The following KCNQ1OT1 variants were observed in gnomAD, a reference collection of about 807,000 sequenced individuals.
The protein encoded by KCNQ1OT1 is KCNQ1 antisense RNA 2 (non-protein coding).
At chr11:2,694,170 T>C (rs1160446968) in exon 1 of KCNQ1OT1, 4 of 398,548 alleles carry the variant, frequency 1.0e-5, no homozygotes, top group Admixed American at 8.8e-5. Context: ...GTACTCTGAT[T>C]GGCCAGGCCT....
At position 2,670,269 on chromosome 11, in the gene KCNQ1OT1, A is replaced by G. The variant is rs766640564; in HGVS notation, n.29726T>C. On this transcript the variant is annotated non_coding_transcript_exon_variant, in exon 1 of 1. Coordinates refer to ENST00000597346, the Ensembl canonical transcript of KCNQ1OT1. This position sits in a 1 kb window ranked among gnomAD's most constrained non-coding sequence, Gnocchi z 4.9. ...ACGGGCGAGGGAAGAGGACCATGGT[A>G]GCTTGTCTCTAGGCAACCCATAGGT... The G allele has an allele frequency of 5.0e-6, 2 of 398,644 alleles. No homozygotes were observed. The highest frequency in any genetic ancestry group is 8.8e-6 in the Non-Finnish European group (2 of 226,094). 24.7% of individuals were successfully genotyped at this position (398,644 alleles called of 1,614,324 possible).
chr11:2,616,270 G>A (rs1849062876), exon 1 of KCNQ1OT1: 1 of 391,972 alleles, frequency 2.6e-6, no homozygotes, highest in Non-Finnish European at 4.5e-6. Context: ...TTAGATATGT[G>A]CAACTTCTCT....
rs1849754523 is a variant in KCNQ1OT1 at position 2,651,374 on chromosome 11, G to C, written n.48621C>G. 2.5e-6 allele frequency: 1 copy of C among 398,754 alleles called. No homozygotes were observed. Among genetic ancestry groups the C allele is most frequent in the South Asian group, 1.3e-4 (1 of 7,852 alleles). 24.7% of individuals were successfully genotyped at this position (398,754 alleles called of 1,614,324 possible). A position where few individuals can be genotyped will look rare whatever the true frequency, so the allele number is the denominator to read the frequency against. The stretch of plus-strand genomic sequence containing the variant: ...TGGGGTATTTATCTTTCACTAGTGA[G>C]TGCTGCCCCGGTGGTGGCTCACTTT... On this transcript the variant is annotated non_coding_transcript_exon_variant, in exon 1 of 1. Coordinates refer to ENST00000597346, the Ensembl canonical transcript of KCNQ1OT1. The surrounding 1 kb of genome is among the most constrained non-coding windows in gnomAD (Gnocchi z 6.1).
At position 2,655,746 on chromosome 11, in the gene KCNQ1OT1, CAG is replaced by C. The variant is rs1849835719; in HGVS notation, n.44247_44248del. On this transcript the variant is annotated non_coding_transcript_exon_variant, in exon 1 of 1. Transcript: ENST00000597346. ...ACCTGGCTACGACCACAGGTGAAAA[CAG>C]GGAAGAGGTGGCAGCTCTGGTCACT... is the stretch of plus-strand genomic sequence containing the variant. 7.7e-6 allele frequency: 3 copies of C among 387,168 alleles called. No homozygotes were observed. In the South Asian group the frequency reaches 3.9e-4, roughly 51 times the overall value. 24.0% of individuals were successfully genotyped at this position (387,168 alleles called of 1,614,324 possible).
chr11:2,691,864 C>T lies in KCNQ1OT1; in HGVS notation n.8131G>A. ...ATGACCCCTAGGTCCTCTTTTCCATCCCTCCAGTTCTCCTGGCTTTCTTGC... is the reference window on the plus strand; with the variant it reads ...ATGACCCCTAGGTCCTCTTTTCCATTCCTCCAGTTCTCCTGGCTTTCTTGC... On this transcript the variant is annotated non_coding_transcript_exon_variant, in exon 1 of 1. Transcript: ENST00000597346. This position sits in a 1 kb window ranked among gnomAD's most constrained non-coding sequence, Gnocchi z 6.4. 1 of 398,734 alleles carries T rather than the reference C, an allele frequency of 2.5e-6. No homozygotes were observed. Among genetic ancestry groups the T allele is most frequent in the East Asian group, 3.6e-5 (1 of 28,084 alleles). 24.7% of individuals were successfully genotyped at this position (398,734 alleles called of 1,614,324 possible).
At chr11:2,697,519 A>G (rs1850698283) in exon 1 of KCNQ1OT1, 3 of 398,636 alleles carry the variant, frequency 7.5e-6, no homozygotes, top group Non-Finnish European at 1.3e-5. Flanking sequence ...ATCAAGTTGA[A>G]GAAGTTCCTC....
chr11:2,634,910 A>G (rs1472674164), exon 1 of KCNQ1OT1: 7 of 152,080 alleles, frequency 4.6e-5, no homozygotes, highest in Non-Finnish European at 2.9e-5. Flanking sequence ...TGGTTTTTTG[A>G]TTTGCCTTTC....
rs1364236499 is a variant in KCNQ1OT1, at chr11:2,621,300, T to C, written n.78695A>G. The C allele has an allele frequency of 1.0e-5, 4 of 398,432 alleles. No homozygotes were observed. The highest frequency in any genetic ancestry group is 8.2e-5 in the African/African-American group (4 of 48,630). 24.7% of individuals were successfully genotyped at this position (398,432 alleles called of 1,614,324 possible). A position where few individuals can be genotyped will look rare whatever the true frequency, so the allele number is the denominator to read the frequency against. On this transcript the variant is annotated non_coding_transcript_exon_variant, in exon 1 of 1. Transcript: ENST00000597346. This position sits in a 1 kb window ranked among gnomAD's most constrained non-coding sequence, Gnocchi z 5.7. ...GCCTCATTATTTGCATTTCTGATTATTAGTGATCATGAGAATGTTTTTTTG... is the reference window on the plus strand; with the variant it reads ...GCCTCATTATTTGCATTTCTGATTACTAGTGATCATGAGAATGTTTTTTTG...
In KCNQ1OT1 at chr11:2,653,810, C is replaced by A. The variant is rs527639476; in HGVS notation, n.46185G>T. 3.3e-5 allele frequency: 13 copies of A among 398,678 alleles called. No homozygotes were observed. The highest frequency in any genetic ancestry group is 1.3e-4 in the South Asian group (1 of 7,858). The allele number at this position is 398,678 out of a possible 1,614,324, so 24.7% of individuals were successfully genotyped here. ...GCAGCTGTACCTCCGATGGCTGAGGCAAGGTCCACAGGGACCCCTTTGGGG... is the reference window on the plus strand; with the variant it reads ...GCAGCTGTACCTCCGATGGCTGAGGAAAGGTCCACAGGGACCCCTTTGGGG... On this transcript the variant is annotated non_coding_transcript_exon_variant, in exon 1 of 1. Transcript: ENST00000597346. This position sits in a 1 kb window ranked among gnomAD's most constrained non-coding sequence, Gnocchi z 5.3.
Position 2,677,055 on chromosome 11 carries a change from A to T in KCNQ1OT1, n.22940T>A. 1 of 398,638 alleles carries T rather than the reference A, an allele frequency of 2.5e-6. No individual in the cohort carries two copies. The highest frequency in any genetic ancestry group is 4.4e-6 in the Non-Finnish European group (1 of 226,058). The allele number at this position is 398,638 out of a possible 1,614,324, so 24.7% of individuals were successfully genotyped here. A position where few individuals can be genotyped will look rare whatever the true frequency, so the allele number is the denominator to read the frequency against. On this transcript the variant is annotated non_coding_transcript_exon_variant, in exon 1 of 1. Transcript: ENST00000597346. The surrounding 1 kb of genome is among the most constrained non-coding windows in gnomAD (Gnocchi z 4.5). ...TGATGGATATGTAGGGCAGCTAAAA[A>T]ACAGCAGCCATTAACCATTCAAATA...
Position 2,698,147 on chromosome 11 carries a change from C to CA in KCNQ1OT1, n.1847dup, listed in dbSNP as rs1186693716. 2 of 398,524 alleles carry CA rather than the reference C, an allele frequency of 5.0e-6. No individual in the cohort carries two copies. Among genetic ancestry groups the CA allele is most frequent in the Non-Finnish European group, 8.8e-6 (2 of 226,076 alleles). The allele number at this position is 398,524 out of a possible 1,614,324, so 24.7% of individuals were successfully genotyped here. A position where few individuals can be genotyped will look rare whatever the true frequency, so the allele number is the denominator to read the frequency against. On this transcript the variant is annotated non_coding_transcript_exon_variant, in exon 1 of 1. Transcript: ENST00000597346. The surrounding 1 kb of genome is among the most constrained non-coding windows in gnomAD (Gnocchi z 5.1). ...ACAGAGCAGGCAGCAGAAAACAAAA[C>CA]AGAGTTCCTCGTTGGGAGCTTTTGG...
exon 1 of KCNQ1OT1, chr11:2,666,672 C>G (rs1850074957): frequency 5.0e-6 from 2 of 398,582 alleles, no homozygotes; most frequent in East Asian, 3.6e-5. Flanking sequence ...TTTGATGGGA[C>G]CAGCTTGGCC....
chr11:2,699,169 G>C, exon 1 of KCNQ1OT1: 1 of 398,670 alleles, frequency 2.5e-6, no homozygotes, highest in Non-Finnish European at 4.4e-6. Context: ...ACCACCATGA[G>C]AACTATAGAC....
rs1295458180 is a variant in KCNQ1OT1, at chr11:2,621,717, C to G, written n.78278G>C. On this transcript the variant is annotated non_coding_transcript_exon_variant, in exon 1 of 1. Coordinates refer to ENST00000597346, the Ensembl canonical transcript of KCNQ1OT1. This position sits in a 1 kb window ranked among gnomAD's most constrained non-coding sequence, Gnocchi z 5.7. ...TATGATCCTTTTTATTTCTGAAGTA[C>G]CTGTTGTAATATATTCTCCATTTTC... 2.5e-6 allele frequency: 1 copy of G among 398,088 alleles called. No homozygotes were observed. The highest frequency in any genetic ancestry group is 4.4e-6 in the Non-Finnish European group (1 of 225,954). The allele number at this position is 398,088 out of a possible 1,614,324, so 24.7% of individuals were successfully genotyped here.
At position 2,624,079 on chromosome 11, in the gene KCNQ1OT1, G is replaced by A. The variant is rs1849222696; in HGVS notation, n.75916C>T. The A allele has an allele frequency of 2.5e-6, 1 of 398,562 alleles. No homozygotes were observed. Among genetic ancestry groups the A allele is most frequent in the Non-Finnish European group, 4.4e-6 (1 of 226,192 alleles). 24.7% of individuals were successfully genotyped at this position (398,562 alleles called of 1,614,324 possible). On this transcript the variant is annotated non_coding_transcript_exon_variant, in exon 1 of 1. Transcript: ENST00000597346. The surrounding 1 kb of genome is among the most constrained non-coding windows in gnomAD (Gnocchi z 4.9). The stretch of plus-strand genomic sequence containing the variant: ...TTGCCCCACATATTGGCAAGTATTT[G>A]GTATTGTCAGTGTTTTGAATTTTGG...
In KCNQ1OT1 at chr11:2,653,535, C is replaced by CTCTTGCACTCCCCTTCTCCCT. The variant is rs1849790322; in HGVS notation, n.46439_46459dup. On this transcript the variant is annotated non_coding_transcript_exon_variant, in exon 1 of 1. Coordinates refer to ENST00000597346, the Ensembl canonical transcript of KCNQ1OT1. This position sits in a 1 kb window ranked among gnomAD's most constrained non-coding sequence, Gnocchi z 5.3. The stretch of plus-strand genomic sequence containing the variant: ...CTTGCTCACTTGCTCTCACTCTCCC[C>CTCTTGCACTCCCCTTCTCCCT]TCTTGCACTCCCCTTCTCCCTTCCC... 2.5e-6 allele frequency: 1 copy of CTCTTGCACTCCCCTTCTCCCT among 398,776 alleles called. No homozygotes were observed. The highest frequency in any genetic ancestry group is 2.1e-5 in the African/African-American group (1 of 48,642). The allele number at this position is 398,776 out of a possible 1,614,324, so 24.7% of individuals were successfully genotyped here. A position where few individuals can be genotyped will look rare whatever the true frequency, so the allele number is the denominator to read the frequency against.
chr11:2,650,663 C>T (rs1007032881), exon 1 of KCNQ1OT1: 6 of 398,492 alleles, frequency 1.5e-5, no homozygotes, highest in Admixed American at 1.3e-4. Context: ...TTTGACAAAG[C>T]ATTTTAAGCC....
exon 1 of KCNQ1OT1, chr11:2,694,713 G>A (rs949058263): frequency 2.0e-5 from 8 of 398,508 alleles, no homozygotes; most frequent in Non-Finnish European, 3.5e-5. Flanking sequence ...CTCTTCCGGT[G>A]GAAGAGATAG....
Position 2,669,388 on chromosome 11 carries a change from T to C in KCNQ1OT1, n.30607A>G. ...GGTATCCTTATAGTTTTGGGGCTCC[T>C]GAAACATGGCATCATGTGTCCCTTG... is the stretch of plus-strand genomic sequence containing the variant. On this transcript the variant is annotated non_coding_transcript_exon_variant, in exon 1 of 1. Transcript: ENST00000597346. This position sits in a 1 kb window ranked among gnomAD's most constrained non-coding sequence, Gnocchi z 5.6. 2.5e-6 allele frequency: 1 copy of C among 398,670 alleles called. No individual in the cohort carries two copies. 24.7% of individuals were successfully genotyped at this position (398,670 alleles called of 1,614,324 possible).
Sources: allele counts gnomAD v4.1 joint callset, GRCh38; gene constraint gnomAD v4.1.1; non-coding constraint Gnocchi (gnomAD v3.1); transcripts MANE v1.5; gene names NCBI Gene and HGNC (gene_info 2026-07-23, HGNC 2026-07-21).